The following SPECC1 variants were observed in gnomAD, a reference collection of about 807,000 sequenced individuals.
SPECC1 encodes cytospin-B.
In SPECC1, 62 loss-of-function variants were observed where a neutral mutation model predicts 104.1. That is an observed-to-expected ratio of 0.60 (90% CI 0.49 to 0.74). The LOEUF is 0.74. Among genes scored for constraint, SPECC1 ranks in the 30% least tolerant of loss-of-function variants. The probability of loss-of-function intolerance (pLI) is 0.00; values close to 1 mark genes in which losing one functional copy is unlikely to be tolerated. For synonymous variants in SPECC1, 513 were observed against 501.6 expected (o/e 1.02, Z -0.30); for missense variants, 1,306 against 1,310.5 (o/e 1.00, Z 0.05).
chr17:20,054,432 C>G (rs2045884779), intron 1 of SPECC1, among the ~76,000 whole-genome samples: 2 of 152,158 alleles, frequency 1.3e-5, no homozygotes, highest in Non-Finnish European at 2.9e-5. Flanking sequence ...TTTTGGAAGG[C>G]TTTCACCAAC....
At chr17:20,097,563 G>A (rs1281816500) in intron 2 of SPECC1, among the ~76,000 whole-genome samples, 1 of 152,218 alleles carries the variant, frequency 6.6e-6, no homozygotes, top group Non-Finnish European at 1.5e-5. Flanking sequence ...TTGTGTTGAT[G>A]ACTCAACTAC....
chr17:20,013,983 A>G (rs576182296), intron 1 of SPECC1, among the ~76,000 whole-genome samples: 9 of 152,294 alleles, frequency 5.9e-5, no homozygotes, highest in African/African-American at 1.9e-4. Context: ...TTGAGTGTGT[A>G]TCTGGGAGTG....
At chr17:20,099,801 C>G (rs894763887) in intron 2 of SPECC1, among the ~76,000 whole-genome samples, 1 of 151,684 alleles carries the variant, frequency 6.6e-6, no homozygotes, top group African/African-American at 2.4e-5. Context: ...GGACACTTCT[C>G]CCATTGATAG....
At chr17:20,211,104 C>T (rs890563141) in intron 4 of SPECC1, among the ~76,000 whole-genome samples, 1 of 152,202 alleles carries the variant, frequency 6.6e-6, no homozygotes, top group African/African-American at 2.4e-5. Context: ...CACCCTGGCC[C>T]TCAGAGGATT....
chr17:20,296,976 A>G lies in SPECC1; in HGVS notation c.2956A>G (p.Asn986Asp). The change falls in exon 13 of 15, where the codon AAT becomes GAT. Residue 986 changes from asparagine to aspartate, a missense_variant. Transcript: ENST00000395527. ...TCTCCTGCAGAACATTGACATCACC[A>G]ATTTCAGCAGCAGCTGGAGCGATGG... ...TQGYANIDITNFSSSWSDGLA... is the reference protein window; with the variant it reads ...TQGYANIDITDFSSSWSDGLA... 6.2e-7 allele frequency: 1 copy of G among 1,614,214 alleles called. No individual in the cohort carries two copies. Among genetic ancestry groups the G allele is most frequent in the East Asian group, 2.2e-5 (1 of 44,886 alleles).
chr17:20,051,905 T>G (rs1597618774), intron 1 of SPECC1, among the ~76,000 whole-genome samples: 2 of 152,146 alleles, frequency 1.3e-5, no homozygotes, highest in East Asian at 3.9e-4. Context: ...AATCTCAGAT[T>G]TTCTACATGC....
chr17:20,112,201 G>A, intron 3 of SPECC1: 1 of 764,200 alleles, frequency 1.3e-6, no homozygotes, highest in Middle Eastern at 3.7e-4. Flanking sequence ...AGATGTCTGG[G>A]AAATAAGCAA....
intron 3 of SPECC1, among the ~76,000 whole-genome samples, chr17:20,172,084 A>T (rs1053879333): frequency 2.6e-5 from 4 of 152,206 alleles, no homozygotes. Context: ...GAGTGGCCAT[A>T]GAACTGAGTC....
chr17:20,149,466 A>G (rs2031781327), intron 3 of SPECC1, among the ~76,000 whole-genome samples: 2 of 152,156 alleles, frequency 1.3e-5, no homozygotes, highest in Non-Finnish European at 2.9e-5. Flanking sequence ...TCGCCTGGTA[A>G]AAACCCTGGA....
At chr17:20,180,168 G>C (rs916582959) in intron 3 of SPECC1, among the ~76,000 whole-genome samples, 16 of 152,172 alleles carry the variant, frequency 1.1e-4, no homozygotes, top group African/African-American at 3.9e-4. Flanking sequence ...AGGTAAGCAG[G>C]CCAGGAAGGA....
chr17:20,111,762 G>T, intron 3 of SPECC1: 4 of 744,150 alleles, frequency 5.4e-6, no homozygotes, highest in South Asian at 4.3e-5. Context: ...GGAGAAAAAG[G>T]TGGGAGGAGG....
intron 4 of SPECC1, among the ~76,000 whole-genome samples, chr17:20,206,526 A>G (rs1220266027): frequency 6.6e-6 from 1 of 152,158 alleles, no homozygotes; most frequent in Non-Finnish European, 1.5e-5. Context: ...TTTTCTCAGC[A>G]TATTCCTATC....
At chr17:20,270,457 A>G (rs1241264581) in intron 12 of SPECC1, among the ~76,000 whole-genome samples, 1 of 148,016 alleles carries the variant, frequency 6.8e-6, no homozygotes. Context: ...AAAAAAAAAA[A>G]AAAAAAAAAA....
At chr17:20,039,749 G>A (rs1002749020) in intron 1 of SPECC1, among the ~76,000 whole-genome samples, 1 of 151,990 alleles carries the variant, frequency 6.6e-6, no homozygotes, top group African/African-American at 2.4e-5. Context: ...TAGAGATGGG[G>A]TATTACCATG....
chr17:20,164,336 A>T (rs866059088), intron 3 of SPECC1, among the ~76,000 whole-genome samples: 28 of 149,344 alleles, frequency 1.9e-4, no homozygotes, highest in African/African-American at 4.4e-4. Flanking sequence ...ATTAAAAAAA[A>T]TTTTTTTTTT....
intron 13 of SPECC1, among the ~76,000 whole-genome samples, chr17:20,300,501 AGT>A (rs1187535673): frequency 4.6e-5 from 7 of 152,254 alleles, no homozygotes; most frequent in Non-Finnish European, 8.8e-5. Flanking sequence ...TCCTCCTGAC[AGT>A]GTGTGTGCGT....
chr17:20,174,594 T>G (rs991103110), intron 3 of SPECC1, among the ~76,000 whole-genome samples: 2 of 134,960 alleles, frequency 1.5e-5, no homozygotes, highest in African/African-American at 5.1e-5. Context: ...GACCAGGTGG[T>G]CACATCAGTC....
intron 1 of SPECC1, among the ~76,000 whole-genome samples, chr17:20,095,386 G>GT (rs374195852): frequency 6.6e-6 from 1 of 152,224 alleles, no homozygotes; most frequent in Non-Finnish European, 1.5e-5. Flanking sequence ...TTAAAGGAGT[G>GT]TTTCCACTGG....
At chr17:20,211,574 G>T (rs1464841363) in intron 4 of SPECC1, among the ~76,000 whole-genome samples, 1 of 152,278 alleles carries the variant, frequency 6.6e-6, no homozygotes, top group East Asian at 1.9e-4. Context: ...CAGAATGCCT[G>T]TGCAGCCTTT....
Sources: gnomAD v4.1 joint callset for allele counts (sites outside exome capture counted in the v4.1 genomes callset) on GRCh38, gnomAD v4.1.1 for gene constraint, MANE v1.5 for transcripts, NCBI Gene and HGNC (gene_info 2026-07-23, HGNC 2026-07-21) for gene names.